DOCK2: variants seen among roughly 807,000 people sequenced by gnomAD.
DOCK2 encodes dedicator of cytokinesis 2.
In DOCK2, 87 loss-of-function variants were observed where a neutral mutation model predicts 248.9. The observed-to-expected ratio is 0.35, with a 90% CI of 0.29 to 0.42. The LOEUF (loss-of-function observed/expected upper bound fraction) is 0.42. Among genes scored for constraint, DOCK2 ranks in the 10% least tolerant of loss-of-function variants. The probability of loss-of-function intolerance (pLI) is 1.00; values close to 1 mark genes in which losing one functional copy is unlikely to be tolerated. For missense variants in DOCK2, 1,747 were observed against 2,300.2 expected, an observed-to-expected ratio of 0.76 and a Z score of 4.92; for synonymous variants, 805 against 821.6, an observed-to-expected ratio of 0.98 and a Z score of 0.35.
At chr5:170,076,185 G>T in intron 47 of DOCK2, 101 bp downstream of exon 47, 3 of 1,480,448 alleles carry the variant, frequency 2.0e-6, no homozygotes, top group Non-Finnish European at 2.7e-6. Context: ...AAAGGAAGCT[G>T]CTTCCAAAGA....
chr5:170,078,352 G>A (rs1321513315), intron 48 of DOCK2, among the ~76,000 whole-genome samples: 6 of 152,094 alleles, frequency 3.9e-5, no homozygotes, highest in South Asian at 2.1e-4. Flanking sequence ...ACTTCCCTGC[G>A]GGCCTCAGAG....
chr5:169,825,871 C>T lies in DOCK2; in HGVS notation c.2704-14886C>T, dbSNP rs148025734. Among the ~76,000 whole-genome samples, 341 of 149,356 alleles carry T rather than the reference C, an allele frequency of 2.3e-3. 1 individual carries two copies. Among genetic ancestry groups the T allele is most frequent in the African/African-American group, 7.7e-3 (313 of 40,580 alleles). On this transcript the variant is annotated intron_variant, in intron 26 of 51. Transcript: ENST00000520908. Reference sequence around the variant, plus strand: ...AAACAAAAAAATCTCTCCTGGAAGACGAGTCACAACACTACACCCTCTTGG... The same window carrying T: ...AAACAAAAAAATCTCTCCTGGAAGATGAGTCACAACACTACACCCTCTTGG...
At chr5:169,983,276 T>G in intron 28 of DOCK2, 110 bp downstream of exon 28, 1 of 1,141,680 alleles carries the variant, frequency 8.8e-7, no homozygotes, top group Non-Finnish European at 1.3e-6. Context: ...AGATATGACT[T>G]AACCAATATT....
At chr5:169,904,365 T>A (rs1774150051) in intron 27 of DOCK2, among the ~76,000 whole-genome samples, 1 of 152,212 alleles carries the variant, frequency 6.6e-6, no homozygotes, top group Admixed American at 6.5e-5. Flanking sequence ...TTGTATTTTT[T>A]AAAGAGCAAC....
chr5:169,772,035 T>C (rs569301494), intron 25 of DOCK2, among the ~76,000 whole-genome samples: 1 of 152,342 alleles, frequency 6.6e-6, no homozygotes, highest in South Asian at 2.1e-4. Context: ...TCATTTTGCA[T>C]TTTCAGGACA....
chr5:169,720,047 T>A (rs867216905), intron 22 of DOCK2, among the ~76,000 whole-genome samples: 1 of 152,214 alleles, frequency 6.6e-6, no homozygotes, highest in South Asian at 2.1e-4. Flanking sequence ...TTCTTTGAGA[T>A]TTCAGGTTAT....
chr5:169,903,025 G>T (rs1471266003), intron 27 of DOCK2, among the ~76,000 whole-genome samples: 1 of 152,056 alleles, frequency 6.6e-6, no homozygotes, highest in Non-Finnish European at 1.5e-5. Context: ...TTGAACAAAG[G>T]AGGTGGAGGT....
intron 13 of DOCK2, 44 bp downstream of exon 13, chr5:169,700,183 C>T: frequency 6.3e-7 from 1 of 1,590,646 alleles, no homozygotes. Context: ...ACATAGGGGC[C>T]AATTCAGCTT....
chr5:169,671,073 A>G lies in DOCK2; in HGVS notation c.225-5A>G. On this transcript the variant is annotated splice_region_variant and splice_polypyrimidine_tract_variant and intron_variant, in intron 4 of 51. Transcript: ENST00000520908. ...TCACACCACTTTTTCTCCCACCTTA[A>G]ATAGAAATACTGAGAACATCATTCC... is the stretch of plus-strand genomic sequence containing the variant. The G allele has an allele frequency of 6.2e-7, 1 of 1,613,224 alleles. No individual in the cohort carries two copies. Among genetic ancestry groups the G allele is most frequent in the Non-Finnish European group, 8.5e-7 (1 of 1,179,614 alleles).
At chr5:169,975,804 C>T (rs984092273) in intron 27 of DOCK2, among the ~76,000 whole-genome samples, 33 of 152,330 alleles carry the variant, frequency 2.2e-4, no homozygotes, top group African/African-American at 7.2e-4. Flanking sequence ...CTCTTCCCAA[C>T]GGGGATGTGA....
chr5:169,912,032 C>T (rs261008), intron 27 of DOCK2, among the ~76,000 whole-genome samples: 46,150 of 152,058 alleles, frequency 0.3, 7,701 homozygotes, highest in East Asian at 0.51. Context: ...GGGCTAACTG[C>T]GTACCTATGC....
chr5:169,888,667 T>G (rs959588917), intron 27 of DOCK2, among the ~76,000 whole-genome samples: 4 of 152,230 alleles, frequency 2.6e-5, no homozygotes, highest in African/African-American at 9.6e-5. Context: ...TCTACGTAGA[T>G]GAGACTCTTC....
chr5:169,802,288 A>C (rs1367749253), intron 25 of DOCK2, among the ~76,000 whole-genome samples: 1 of 152,156 alleles, frequency 6.6e-6, no homozygotes, highest in Non-Finnish European at 1.5e-5. Flanking sequence ...CAGCCTCCCA[A>C]AGAGCTGGGA....
chr5:169,776,561 G>A (rs1040554810), intron 25 of DOCK2, among the ~76,000 whole-genome samples: 3 of 152,126 alleles, frequency 2.0e-5, no homozygotes, highest in African/African-American at 7.2e-5. Flanking sequence ...CTATTTTTAA[G>A]GGCTTCACAG....
intron 13 of DOCK2, among the ~76,000 whole-genome samples, chr5:169,700,348 A>G (rs2306561): frequency 0.043 from 6,530 of 152,174 alleles, 337 homozygotes; most frequent in Admixed American, 0.14. Flanking sequence ...ATATAAACAC[A>G]TACCCCTTCT....
intron 26 of DOCK2, among the ~76,000 whole-genome samples, chr5:169,811,321 T>G (rs1319888855): frequency 1.3e-5 from 2 of 152,236 alleles, no homozygotes; most frequent in Non-Finnish European, 2.9e-5. Flanking sequence ...AGGCTGCCAC[T>G]GCCTCTTTGC....
chr5:169,805,077 C>T (rs2113144978), intron 26 of DOCK2, among the ~76,000 whole-genome samples: 1 of 152,056 alleles, frequency 6.6e-6, no homozygotes, highest in African/African-American at 2.4e-5. Context: ...TCTGTGGTAA[C>T]ATCCTATATA....
Position 169,712,226 on chromosome 5 carries a change from A to G in DOCK2, c.1659+3A>G. 6.2e-7 allele frequency: 1 copy of G among 1,613,904 alleles called. No homozygotes were observed. Among genetic ancestry groups the G allele is most frequent in the South Asian group, 1.1e-5 (1 of 91,078 alleles). On this transcript the variant is annotated splice_donor_region_variant and intron_variant, in intron 17 of 51. Coordinates refer to ENST00000520908, the MANE Select transcript of DOCK2 (RefSeq NM_004946.3). ...TCCATGACTTAGTTGTCCTCAAGGT[A>G]CCATGAGTTGGAAGGAGCTCTGCAC...
At chr5:169,728,062 G>A (rs1394266628) in intron 22 of DOCK2, among the ~76,000 whole-genome samples, 4 of 152,196 alleles carry the variant, frequency 2.6e-5, no homozygotes, top group Non-Finnish European at 4.4e-5. Flanking sequence ...AAGGTTTACA[G>A]ATGAGGAGAT....
Sources: allele counts gnomAD v4.1 joint callset (sites outside exome capture counted in the v4.1 genomes callset), GRCh38; gene constraint gnomAD v4.1.1; transcripts MANE v1.5; gene names NCBI Gene and HGNC (gene_info 2026-07-23, HGNC 2026-07-21).